Variants in DDX51 observed in about 807,000 individuals in gnomAD.
DDX51 encodes the protein ATP-dependent RNA helicase DDX51.
In DDX51, 67 loss-of-function variants were observed where a neutral mutation model predicts 74.6. The observed-to-expected ratio is 0.90, with a 90% CI of 0.74 to 1.10. The LOEUF (loss-of-function observed/expected upper bound fraction) is 1.10. Ranked by LOEUF, DDX51 falls within the 50% of genes least tolerant of loss-of-function variation. The probability of loss-of-function intolerance (pLI) is 0.00; values close to 1 mark genes in which losing one functional copy is unlikely to be tolerated. For missense variants in DDX51, 1,056 were observed against 905.2 expected (o/e 1.17, Z -2.14); for synonymous variants, 545 against 402.9 (o/e 1.35, Z -4.22).
At position 132,140,137 on chromosome 12, in the gene DDX51, T is replaced by C. The variant is rs1235059542; in HGVS notation, c.1736A>G (p.Asn579Ser). 1 of 1,612,560 alleles carries C rather than the reference T, an allele frequency of 6.2e-7. No homozygotes were observed. Among genetic ancestry groups the C allele is most frequent in the African/African-American group, 1.3e-5 (1 of 74,840 alleles). ...TCTCAGGTACTGGGGGGCGTCGTAG[T>C]TCACCACCAGCTCCACACCCTGCAC... The part of the protein sequence containing the change: ...IDVQGVELVV[N>S]YDAPQYLRTY... The change falls in exon 12 of 15, where the codon AAC (asparagine) becomes AGC (serine). Residue 579 changes from asparagine to serine, a missense_variant. Coordinates refer to ENST00000397333, the MANE Select transcript of DDX51 (RefSeq NM_175066.4).
intron 2 of DDX51, chr12:132,143,472 C>A (rs761722569): frequency 1.6e-6 from 1 of 621,744 alleles, no homozygotes; most frequent in Non-Finnish European, 2.7e-6. Flanking sequence ...GCAGAACTGG[C>A]GCGGCGCGGC....
rs537243107 is a variant in DDX51, at chr12:132,141,352, G to A, written c.1173C>T (p.Ala391=). 2.1e-5 allele frequency: 33 copies of A among 1,598,452 alleles called. 2 individuals carry two copies. The highest frequency in any genetic ancestry group is 1.6e-4 in the Middle Eastern group (1 of 6,076). The change falls in exon 8 of 15, where the codon GCC becomes GCT. Residue 391 remains alanine, a synonymous_variant. Coordinates refer to ENST00000397333, the MANE Select transcript of DDX51 (RefSeq NM_175066.4). The part of the protein sequence containing the change: ...HQSWLPRVVA[A]AFQSEDPADP... ...CCGCGGGGTCCTCGCTCTGGAAGGC[G>A]GCCGCCACCACCCGCGGCAGCCAGG...
intron 11 of DDX51, 91 bp from the exon 12 acceptor site, chr12:132,140,290 G>A: frequency 6.4e-7 from 1 of 1,561,696 alleles, no homozygotes; most frequent in East Asian, 2.3e-5. Flanking sequence ...AGGCCTTTCT[G>A]GGAACTGGCT....
rs1897335694 is a variant in DDX51 at position 132,138,557 on chromosome 12, C to T, written c.*715G>A. On this transcript the variant is annotated 3_prime_UTR_variant, in exon 15 of 15. Coordinates refer to ENST00000397333, the MANE Select transcript of DDX51 (RefSeq NM_175066.4). ...AGCAATGATGGTCTCTATCTCCTGA[C>T]CTTGTGATCCACCTGCCTCGGCCTC... The T allele has an allele frequency of 6.6e-6, 1 of 150,708 alleles. No individual in the cohort carries two copies. Among genetic ancestry groups the T allele is most frequent in the Non-Finnish European group, 1.5e-5 (1 of 67,874 alleles). The allele number at this position is 150,708 out of a possible 1,614,324, so 9.3% of individuals were successfully genotyped here. A position where few individuals can be genotyped will look rare whatever the true frequency, so the allele number is the denominator to read the frequency against.
At position 132,139,197 on chromosome 12, in the gene DDX51, C is replaced by G; in HGVS notation, c.*75G>C. 1 of 1,555,740 alleles carries G rather than the reference C, an allele frequency of 6.4e-7. No individual in the cohort carries two copies. The highest frequency in any genetic ancestry group is 8.7e-7 in the Non-Finnish European group (1 of 1,149,100). On this transcript the variant is annotated 3_prime_UTR_variant, in exon 15 of 15. Transcript: ENST00000397333. The stretch of plus-strand genomic sequence containing the variant: ...GGATTCCTTTCCTCACATACAGGAT[C>G]CAGTGATCAGCACTGCTCTGGAAGG...
intron 12 of DDX51, 31 bp downstream of exon 12, chr12:132,140,067 A>T (rs1593418727): frequency 6.2e-7 from 1 of 1,608,396 alleles, no homozygotes; most frequent in South Asian, 1.1e-5. Flanking sequence ...AAAGCCCCAG[A>T]CCCCCCAGTG....
chr12:132,138,773 C>G lies in DDX51; in HGVS notation c.*499G>C, dbSNP rs1465141520. ...TAGCTGGATTACAGGCATGCACCACCACGCCTGGCTAATTTTGTATTTTTA... is the reference window on the plus strand; with the variant it reads ...TAGCTGGATTACAGGCATGCACCACGACGCCTGGCTAATTTTGTATTTTTA... On this transcript the variant is annotated 3_prime_UTR_variant, in exon 15 of 15. Transcript: ENST00000397333. 1 of 154,338 alleles carries G rather than the reference C, an allele frequency of 6.5e-6. No individual in the cohort carries two copies. Among genetic ancestry groups the G allele is most frequent in the Non-Finnish European group, 1.4e-5 (1 of 69,600 alleles). The allele number at this position is 154,338 out of a possible 1,614,324, so 9.6% of individuals were successfully genotyped here.
chr12:132,141,689 C>T (rs553278189), intron 6 of DDX51, 83 bp from the exon 7 acceptor site: 81 of 1,495,054 alleles, frequency 5.4e-5, no homozygotes, highest in Admixed American at 3.6e-4. Context: ...CCCACAGCCC[C>T]GACTCCACCC....
intron 8 of DDX51, 92 bp downstream of exon 8, chr12:132,141,183 A>T (rs1207000542): frequency 6.6e-7 from 1 of 1,508,908 alleles, no homozygotes; most frequent in Non-Finnish European, 8.8e-7. Flanking sequence ...CCAGAGCTCA[A>T]GCCACCCTTA....
In DDX51 at chr12:132,142,420, G is replaced by A. The variant is rs768843669; in HGVS notation, c.673C>T (p.Gln225Ter). 1.2e-4 allele frequency: 190 copies of A among 1,611,676 alleles called. No individual in the cohort carries two copies. The highest frequency in any genetic ancestry group is 1.6e-4 in the Non-Finnish European group (185 of 1,179,912). ...AHGISSYFPV[Q>*]AAVIPALLES... ...AGGAGGGCAGGAATCACAGCTGCCT[G>A]GACTGGATGAGGAAAGGCGAGAGAG... The change falls in exon 4 of 15, where the codon CAG becomes TAG. Residue 225 changes from glutamine (Q) to a stop codon, truncating the protein, a stop_gained and splice_region_variant. Coordinates refer to ENST00000397333, the MANE Select transcript of DDX51 (RefSeq NM_175066.4). LOFTEE classifies it high-confidence loss of function.
rs1372961338 is a variant in DDX51, at chr12:132,142,400, G to A, written c.693C>T (p.Ala231=). The change falls in exon 4 of 15, where the codon GCC becomes GCT. Residue 231 remains alanine (A), a synonymous_variant. Coordinates refer to ENST00000397333, the MANE Select transcript of DDX51 (RefSeq NM_175066.4). ...YFPVQAAVIP[A]LLESAACGFL... is the part of the protein sequence containing the mutation. ...ACCCACAGGCTGCGCTCTCCAGGAG[G>A]GCAGGAATCACAGCTGCCTGGACTG... 12 of 1,612,410 alleles carry A rather than the reference G, an allele frequency of 7.4e-6. No homozygotes were observed. The highest frequency in any genetic ancestry group is 6.7e-5 in the African/African-American group (5 of 74,946).
Position 132,140,948 on chromosome 12 carries a change from C to A in DDX51, c.1323G>T (p.Leu441=). ...SATLTQNPEK[L]QQLGLHQPRL... The stretch of plus-strand genomic sequence containing the variant: ...GGGGCTGGTGGAGGCCCAGCTGCTG[C>A]AGCTTTTCAGGGTTCTGGGTCAGAG... The change falls in exon 9 of 15, where the codon CTG becomes CTT. Residue 441 remains leucine (L), a synonymous_variant. Transcript: ENST00000397333. 1.2e-6 allele frequency: 2 copies of A among 1,613,194 alleles called. No individual in the cohort carries two copies. The highest frequency in any genetic ancestry group is 2.2e-5 in the East Asian group (1 of 44,886).
intron 11 of DDX51, 77 bp from the exon 12 acceptor site, chr12:132,140,276 G>C: frequency 6.4e-7 from 1 of 1,570,000 alleles, no homozygotes; most frequent in Non-Finnish European, 8.7e-7. Context: ...GCGGGGGGCA[G>C]CTCAGGCCTT....
In DDX51 at chr12:132,139,676, G is replaced by C. The variant is rs769159441; in HGVS notation, c.1933C>G (p.Arg645Gly). ...SSKLLQPLVP[R>G]YEEALSQLEE... ...AGCTGGGACAGGGCCTCCTCGTACC[G>C]AGGAACCAGCGGCTGCAGCAGCTTG... Residue 645 changes from arginine (R) to glycine (G), a missense_variant, in exon 14 of 15, where the codon CGG (arginine) becomes GGG (glycine). By Grantham distance (125) the Arg-to-Gly change is moderately radical. Coordinates refer to ENST00000397333, the MANE Select transcript of DDX51 (RefSeq NM_175066.4). 6.2e-7 allele frequency: 1 copy of C among 1,613,084 alleles called. No homozygotes were observed. Among genetic ancestry groups the C allele is most frequent in the East Asian group, 2.2e-5 (1 of 44,872 alleles).
intron 5 of DDX51, 69 bp downstream of exon 5, chr12:132,142,050 T>C: frequency 6.3e-7 from 1 of 1,597,488 alleles, no homozygotes; most frequent in Non-Finnish European, 8.5e-7. Context: ...CCCCAGGGGC[T>C]GATCGCTGTG....
In DDX51 at chr12:132,144,168, G is replaced by A. The variant is rs1007871667; in HGVS notation, c.129C>T (p.Arg43=). The change falls in exon 1 of 15, where the codon CGC becomes CGT. Residue 43 remains arginine (R), a synonymous_variant. Coordinates refer to ENST00000397333, the MANE Select transcript of DDX51 (RefSeq NM_175066.4). ...ALLERLQSRA[R]ERQQQREPAQ... ...CGGGCTCCCGCTGCTGCTGCCGTTCGCGGGCCCGGCTCTGCAGCCGCTCGA... is the reference window on the plus strand; with the variant it reads ...CGGGCTCCCGCTGCTGCTGCCGTTCACGGGCCCGGCTCTGCAGCCGCTCGA... 5 of 1,175,596 alleles carry A rather than the reference G, an allele frequency of 4.3e-6. No individual in the cohort carries two copies. The highest frequency in any genetic ancestry group is 1.6e-5 in the African/African-American group (1 of 62,036). The allele number at this position is 1,175,596 out of a possible 1,614,324, so 72.8% of individuals were successfully genotyped here. A position where few individuals can be genotyped will look rare whatever the true frequency, so the allele number is the denominator to read the frequency against.
chr12:132,144,218 C>T lies in DDX51; in HGVS notation c.79G>A (p.Ala27Thr), dbSNP rs1897608079. 1.4e-5 allele frequency: 17 copies of T among 1,208,072 alleles called. No individual in the cohort carries two copies. The South Asian group carries it at 2.3e-4, about 17-fold the overall frequency. 74.8% of individuals were successfully genotyped at this position (1,208,072 alleles called of 1,614,324 possible). A position where few individuals can be genotyped will look rare whatever the true frequency, so the allele number is the denominator to read the frequency against. The part of the protein sequence containing the change: ...AAGPEGAEAG[A>T]HGRARALLER... The stretch of plus-strand genomic sequence containing the variant: ...AGCAGCGCGCGGGCCCTGCCGTGCG[C>T]CCCGGCCTCCGCGCCCTCCGGCCCC... Residue 27 changes from alanine (A) to threonine (T), a missense_variant, in exon 1 of 15, where the codon GCG becomes ACG. Ala to Thr is a moderately conservative substitution (Grantham distance 58, BLOSUM62 0). Coordinates refer to ENST00000397333, the MANE Select transcript of DDX51 (RefSeq NM_175066.4).
intron 5 of DDX51, 59 bp downstream of exon 5, chr12:132,142,060 G>A: frequency 6.3e-7 from 1 of 1,585,536 alleles, no homozygotes; most frequent in East Asian, 2.2e-5. Flanking sequence ...TGATCGCTGT[G>A]CACTCAGCAG....
rs1565951582 is a variant in DDX51 at position 132,137,078 on chromosome 12, T to TATCA, written c.*2193_*2194insTGAT. ...GTGTGCTATTTGTATAGAGAGTTTC[T>TATCA]GTCAGACTCAGTCTGTGCTGCTCTG... On this transcript the variant is annotated 3_prime_UTR_variant, in exon 15 of 15. Coordinates refer to ENST00000397333, the MANE Select transcript of DDX51 (RefSeq NM_175066.4). 2.0e-5 allele frequency: 3 copies of TATCA among 152,282 alleles called. No individual in the cohort carries two copies. Among genetic ancestry groups the TATCA allele is most frequent in the African/African-American group, 7.2e-5 (3 of 41,462 alleles). 9.4% of individuals were successfully genotyped at this position (152,282 alleles called of 1,614,324 possible). A position where few individuals can be genotyped will look rare whatever the true frequency, so the allele number is the denominator to read the frequency against.
Sources: gnomAD v4.1 joint callset for allele counts on GRCh38, gnomAD v4.1.1 for gene constraint, MANE v1.5 for transcripts, NCBI Gene and HGNC (gene_info 2026-07-23, HGNC 2026-07-21) for gene names.